The following PPFIBP2 variants were observed in gnomAD, a reference collection of about 807,000 sequenced individuals.
The protein encoded by PPFIBP2 is liprin-beta-2.
Under a neutral mutation model 118.3 loss-of-function variants are expected in PPFIBP2, and 118 were observed. That is an observed-to-expected ratio of 1.00 (90% CI 0.86 to 1.16). The LOEUF (loss-of-function observed/expected upper bound fraction) is 1.16. PPFIBP2 is among the 50% of genes most tolerant of loss of function. The pLI is 0.00. For missense variants in PPFIBP2, 1,195 were observed against 1,073.1 expected, an observed-to-expected ratio of 1.11 and a Z score of -1.59; for synonymous variants, 414 against 397.4, an observed-to-expected ratio of 1.04 and a Z score of -0.50.
Position 7,529,894 on chromosome 11 carries a change from A to T in PPFIBP2, c.-37+15773A>T, listed in dbSNP as rs1035793323. ...CAGCTCTGGAAGGCCCTGTGGCCCT[A>T]ACCTTGCCCTGTTTTGTCAGGTACT... On this transcript the variant is annotated intron_variant, in intron 1 of 23. Transcript: ENST00000299492. 2.0e-5 allele frequency among the ~76,000 whole-genome samples: 3 copies of T among 152,342 alleles called. No individual in the cohort carries two copies. In the East Asian group the frequency reaches 5.8e-4, roughly 29 times the overall value.
At position 7,620,117 on chromosome 11, in the gene PPFIBP2, A is replaced by G. The variant is rs1849164941; in HGVS notation, c.619-818A>G. ...TATGGGCTTGAATTCCAGCTCCACC[A>G]CTTACTAGCTAAATGAGTAAGAGAA... On this transcript the variant is annotated intron_variant, in intron 6 of 23. Transcript: ENST00000299492. Among the ~76,000 whole-genome samples the G allele has an allele frequency of 2.0e-5, 3 of 152,238 alleles. No individual in the cohort carries two copies. The South Asian group carries it at 6.2e-4, about 32-fold the overall frequency.
downstream of PPFIBP2, among the ~76,000 whole-genome samples, chr11:7,661,497 A>G (rs1364497619): frequency 6.7e-6 from 1 of 149,248 alleles, no homozygotes; most frequent in Non-Finnish European, 1.5e-5. Context: ...GTTTGATTGC[A>G]CTGTGGTCTG....
At chr11:7,581,311 G>A (rs1469139372) in intron 3 of PPFIBP2, among the ~76,000 whole-genome samples, 4 of 152,128 alleles carry the variant, frequency 2.6e-5, no homozygotes, top group East Asian at 1.9e-4. Flanking sequence ...CTGCTCTTTC[G>A]GCAAGAGTTC....
At chr11:7,532,287 C>T (rs1045284842) in intron 1 of PPFIBP2, among the ~76,000 whole-genome samples, 1 of 152,194 alleles carries the variant, frequency 6.6e-6, no homozygotes, top group Non-Finnish European at 1.5e-5. Context: ...AATGTAATTA[C>T]CTCTTTCAAG....
At chr11:7,665,473 CG>C in the PPFIBP2 span, 1 of 1,613,908 alleles carries the variant, frequency 6.2e-7, no homozygotes, top group South Asian at 1.1e-5. Context: ...CCAGGATGAG[CG>C]TGGACTTCGC....
Position 7,653,340 on chromosome 11 carries a change from T to G in PPFIBP2, c.*122T>G. The G allele has an allele frequency of 1.3e-6, 2 of 1,502,832 alleles. No individual in the cohort carries two copies. Among genetic ancestry groups the G allele is most frequent in the Non-Finnish European group, 1.8e-6 (2 of 1,129,706 alleles). 93.1% of individuals were successfully genotyped at this position (1,502,832 alleles called of 1,614,324 possible). A position where few individuals can be genotyped will look rare whatever the true frequency, so the allele number is the denominator to read the frequency against. On this transcript the variant is annotated 3_prime_UTR_variant, in exon 24 of 24. Transcript: ENST00000299492. ...CTCGCAGAGAATATTCCAGCAATTG[T>G]GTACCCCTGGGCCAGTCTCTTTGAA...
intron 15 of PPFIBP2, among the ~76,000 whole-genome samples, chr11:7,640,603 C>G (rs527237906): frequency 6.6e-6 from 1 of 152,184 alleles, no homozygotes; most frequent in Admixed American, 6.5e-5. Flanking sequence ...CCAGCTCTGC[C>G]GTTGGCTGCA....
Position 7,651,592 on chromosome 11 carries a change from G to A in PPFIBP2, c.2248-64G>A. The A allele has an allele frequency of 2.0e-6, 3 of 1,477,160 alleles. No individual in the cohort carries two copies. The South Asian group carries it at 3.8e-5, about 19-fold the overall frequency. 91.5% of individuals were successfully genotyped at this position (1,477,160 alleles called of 1,614,324 possible). ...CCAGCCCCAACAGGCCAGTCTCTCA[G>A]CATCCTCCCCCTCGAGCCATTTGTA... On this transcript the variant is annotated intron_variant, in intron 22 of 23. Transcript: ENST00000299492.
downstream of PPFIBP2, chr11:7,655,459 G>A (rs1487989046): frequency 4.7e-6 from 6 of 1,289,802 alleles, no homozygotes; most frequent in African/African-American, 1.5e-5. Context: ...GTACCGTGAC[G>A]CAGATAGGGC....
chr11:7,601,114 C>G (rs1421715162), intron 5 of PPFIBP2, among the ~76,000 whole-genome samples: 1 of 152,172 alleles, frequency 6.6e-6, no homozygotes, highest in Non-Finnish European at 1.5e-5. Flanking sequence ...GCTCTCCTGA[C>G]CAATGTCAAC....
chr11:7,620,931 C>T lies in PPFIBP2; in HGVS notation c.619-4C>T, dbSNP rs771496649. ...GAACTTTGTCTTTCTCCCTCATCCC[C>T]TAGGAGTTACTGCAAGAGCTCAGGC... On this transcript the variant is annotated splice_polypyrimidine_tract_variant and splice_region_variant and intron_variant, in intron 6 of 23. Coordinates refer to ENST00000299492, the MANE Select transcript of PPFIBP2 (RefSeq NM_003621.5). 6.3e-7 allele frequency: 1 copy of T among 1,595,726 alleles called. No individual in the cohort carries two copies. Among genetic ancestry groups the T allele is most frequent in the Non-Finnish European group, 8.6e-7 (1 of 1,163,252 alleles).
chr11:7,663,228 T>G, the PPFIBP2 span, among the ~76,000 whole-genome samples: 13 of 134,810 alleles, frequency 9.6e-5, 1 homozygote, highest in South Asian at 2.5e-4. Context: ...GGCGCTCTGC[T>G]TTTTAGAGTT....
chr11:7,525,148 C>T (rs1850111899), intron 1 of PPFIBP2, among the ~76,000 whole-genome samples: 1 of 152,282 alleles, frequency 6.6e-6, no homozygotes. Context: ...AGCATGAGGA[C>T]TTGGCCTCCC....
rs113156252 is a variant in PPFIBP2, at chr11:7,520,980, C to T, written c.-37+6859C>T. Among the ~76,000 whole-genome samples the T allele has an allele frequency of 9.4e-4, 143 of 152,314 alleles. 3 individuals are homozygous for T. The highest frequency in any genetic ancestry group is 3.0e-3 in the African/African-American group (125 of 41,566). On this transcript the variant is annotated intron_variant, in intron 1 of 23. Coordinates refer to ENST00000299492, the MANE Select transcript of PPFIBP2 (RefSeq NM_003621.5). ...ATCTCTCACTCATCTGGTAAATAAG[C>T]CTCTAAAAGAGGCTGTCCTAGAATA... is the stretch of plus-strand genomic sequence containing the variant.
chr11:7,526,270 G>A (rs1850216450), intron 1 of PPFIBP2, among the ~76,000 whole-genome samples: 2 of 152,216 alleles, frequency 1.3e-5, no homozygotes, highest in Non-Finnish European at 2.9e-5. Flanking sequence ...GGGATCCTGG[G>A]GAGCTGGGAA....
In PPFIBP2 at chr11:7,641,336, A is replaced by G; in HGVS notation, c.1376-143A>G. 4.3e-6 allele frequency: 4 copies of G among 931,946 alleles called. No individual in the cohort carries two copies. The South Asian group carries it at 5.1e-5, about 12-fold the overall frequency. The allele number at this position is 931,946 out of a possible 1,614,324, so 57.7% of individuals were successfully genotyped here. On this transcript the variant is annotated intron_variant, in intron 15 of 23. Transcript: ENST00000299492. ...CCTGGAGTCCCCACTAGTCTCTGGG[A>G]TCTTGGTATGGAGTTCTGCCCTGAA...
chr11:7,596,761 G>A (rs1485168835), intron 4 of PPFIBP2, among the ~76,000 whole-genome samples: 3 of 152,084 alleles, frequency 2.0e-5, no homozygotes, highest in African/African-American at 7.2e-5. Context: ...CTCTCTTCTT[G>A]CTTTGAACCA....
At chr11:7,519,678 A>G (rs1283143830) in intron 1 of PPFIBP2, among the ~76,000 whole-genome samples, 1 of 152,164 alleles carries the variant, frequency 6.6e-6, no homozygotes, top group African/African-American at 2.4e-5. Context: ...GGGAAAAAGG[A>G]GACAGTCCTG....
chr11:7,599,652 A>T lies in PPFIBP2; in HGVS notation c.486+1979A>T, dbSNP rs1247093665. On this transcript the variant is annotated intron_variant, in intron 5 of 23. Transcript: ENST00000299492. ...TACTTTTTTTTTTTTTTTTTTTGAG[A>T]CGGAGTCTTTCTCAGTTGCCCAGGC... 2.1e-5 allele frequency among the ~76,000 whole-genome samples: 3 copies of T among 142,114 alleles called. 1 individual carries two copies. Among genetic ancestry groups the T allele is most frequent in the African/African-American group, 8.0e-5 (3 of 37,672 alleles). The allele number at this position is 142,114 out of a possible 152,430, so 93.2% of individuals were successfully genotyped here.
Sources: allele counts gnomAD v4.1 joint callset (sites outside exome capture counted in the v4.1 genomes callset), GRCh38; gene constraint gnomAD v4.1.1; transcripts MANE v1.5; gene names NCBI Gene and HGNC (gene_info 2026-07-23, HGNC 2026-07-21).